Variants in TAF3 observed in about 807,000 individuals in gnomAD.
The protein encoded by TAF3 is TATA-box binding protein associated factor 3, also known as transcription initiation factor TFIID subunit 3.
A neutral mutation model predicts 80.6 loss-of-function variants in TAF3; 7 were observed. The observed-to-expected ratio is 0.09, with a 90% CI of 0.05 to 0.16. The LOEUF is 0.16. Ranked by LOEUF, TAF3 falls within the 10% of genes least tolerant of loss-of-function variation. The pLI is 1.00. For missense variants in TAF3, 921 were observed against 1,140.2 expected (o/e 0.81, Z 2.77); for synonymous variants, 444 against 446.1 (o/e 1.00, Z 0.06).
intron 4 of TAF3, among the ~76,000 whole-genome samples, chr10:7,982,521 C>T (rs1477069406): frequency 6.6e-6 from 1 of 152,152 alleles, no homozygotes; most frequent in African/African-American, 2.4e-5. Context: ...GCCTAAGCCT[C>T]CCAGGTAGCT....
chr10:7,920,231 G>A lies in TAF3; in HGVS notation c.410-43689G>A, dbSNP rs576178199. 6.6e-5 allele frequency among the ~76,000 whole-genome samples: 10 copies of A among 151,848 alleles called. No individual in the cohort carries two copies. The South Asian group carries it at 1.0e-3, about 16-fold the overall frequency. On this transcript the variant is annotated intron_variant, in intron 2 of 6. Transcript: ENST00000344293. ...ATCACACCACTGCACTCCGGCCTGCGCGACAAAATTTATTTCTTGAGTAAA... is the reference window on the plus strand; with the variant it reads ...ATCACACCACTGCACTCCGGCCTGCACGACAAAATTTATTTCTTGAGTAAA...
intron 2 of TAF3, among the ~76,000 whole-genome samples, chr10:7,937,461 T>G (rs1837931935): frequency 6.6e-6 from 1 of 152,262 alleles, no homozygotes; most frequent in Non-Finnish European, 1.5e-5. Flanking sequence ...CATCTTTTCC[T>G]GTGCCTATTT....
intron 2 of TAF3, among the ~76,000 whole-genome samples, chr10:7,856,072 A>G (rs1484506971): frequency 2.6e-5 from 4 of 152,236 alleles, no homozygotes; most frequent in Non-Finnish European, 5.9e-5. Context: ...AAGCCACAGA[A>G]GCAGCATTCC....
At chr10:7,994,011 T>C (rs565838034) in intron 4 of TAF3, among the ~76,000 whole-genome samples, 60 of 150,522 alleles carry the variant, frequency 4.0e-4, no homozygotes, top group Non-Finnish European at 7.2e-4. Context: ...TCTGTCTCTT[T>C]TTCTCCCCCA....
chr10:7,842,624 A>G (rs1247032805), intron 2 of TAF3, among the ~76,000 whole-genome samples: 1 of 152,178 alleles, frequency 6.6e-6, no homozygotes, highest in Non-Finnish European at 1.5e-5. Flanking sequence ...CACTATTGTC[A>G]TGTCTACCAA....
chr10:7,977,391 G>T lies in TAF3; in HGVS notation c.2315+68G>T, dbSNP rs998868775. ...TAACCTTCTCTACTCTTTCCTAAGG[G>T]ACTTAGAATTCCACAAGCTTCTCCC... On this transcript the variant is annotated intron_variant, in intron 4 of 6. Coordinates refer to ENST00000344293, the MANE Select transcript of TAF3 (RefSeq NM_031923.4). 5 of 1,467,064 alleles carry T rather than the reference G, an allele frequency of 3.4e-6. No individual in the cohort carries two copies. The African/African-American group carries it at 4.2e-5, about 12-fold the overall frequency. 90.9% of individuals were successfully genotyped at this position (1,467,064 alleles called of 1,614,324 possible).
intron 2 of TAF3, among the ~76,000 whole-genome samples, chr10:7,882,097 A>G (rs1564355391): frequency 1.3e-5 from 2 of 152,204 alleles, no homozygotes; most frequent in Non-Finnish European, 1.5e-5. Context: ...GCTATTTCCT[A>G]TACTGATGCA....
At chr10:7,907,747 A>T (rs543775089) in intron 2 of TAF3, among the ~76,000 whole-genome samples, 2 of 152,316 alleles carry the variant, frequency 1.3e-5, no homozygotes, top group East Asian at 3.9e-4. Context: ...GTCTTGAAGT[A>T]TGAAAGCTGC....
intron 2 of TAF3, among the ~76,000 whole-genome samples, chr10:7,943,289 C>T (rs764992076): frequency 3.2e-4 from 48 of 152,174 alleles, no homozygotes; most frequent in Non-Finnish European, 5.4e-4. Flanking sequence ...TCACGTTCTG[C>T]TTGCTCCTTA....
chr10:7,881,917 A>G (rs568117995), intron 2 of TAF3, among the ~76,000 whole-genome samples: 2 of 152,304 alleles, frequency 1.3e-5, no homozygotes, highest in East Asian at 3.9e-4. Flanking sequence ...GAGACTTTAT[A>G]TGTTGGTGGA....
intron 2 of TAF3, among the ~76,000 whole-genome samples, chr10:7,953,398 A>C (rs988277782): frequency 6.6e-6 from 1 of 152,220 alleles, no homozygotes; most frequent in South Asian, 2.1e-4. Context: ...CATCCCACAC[A>C]TGGCCAACTA....
At chr10:7,931,472 T>C (rs1837868757) in intron 2 of TAF3, among the ~76,000 whole-genome samples, 1 of 152,222 alleles carries the variant, frequency 6.6e-6, no homozygotes, top group South Asian at 2.1e-4. Flanking sequence ...TGACATTGCA[T>C]CTCGGGGAAT....
In TAF3 at chr10:7,818,742, G is replaced by A; in HGVS notation, c.33G>A (p.Arg11=). The change falls in exon 1 of 7, where the codon AGG becomes AGA. Residue 11 remains arginine, a synonymous_variant. Coordinates refer to ENST00000344293, the MANE Select transcript of TAF3 (RefSeq NM_031923.4). MCESYSRSLL[R]VSVAQICQAL... is the part of the protein sequence containing the mutation. ...AGAGTTACTCCAGGTCGTTGTTGAG[G>A]GTCTCGGTGGCGCAGATCTGCCAGG... is the stretch of plus-strand genomic sequence containing the variant. The A allele has an allele frequency of 1.9e-6, 3 of 1,605,224 alleles. No homozygotes were observed. The highest frequency in any genetic ancestry group is 2.5e-6 in the Non-Finnish European group (3 of 1,178,442).
At chr10:7,893,836 C>A (rs1012021077) in intron 2 of TAF3, among the ~76,000 whole-genome samples, 1 of 152,102 alleles carries the variant, frequency 6.6e-6, no homozygotes, top group African/African-American at 2.4e-5. Context: ...ATAAATTGAT[C>A]CTCTTAATTA....
At chr10:7,916,637 G>A (rs985342310) in intron 2 of TAF3, among the ~76,000 whole-genome samples, 1 of 151,646 alleles carries the variant, frequency 6.6e-6, no homozygotes, top group African/African-American at 2.4e-5. Context: ...AAAATAAAGT[G>A]TATATATATA....
chr10:7,916,232 G>A (rs1237428038), intron 2 of TAF3, among the ~76,000 whole-genome samples: 2 of 152,122 alleles, frequency 1.3e-5, no homozygotes, highest in African/African-American at 4.8e-5. Flanking sequence ...TTATGTCTTT[G>A]TCTGAATCTC....
chr10:7,891,883 G>A (rs533592246), intron 2 of TAF3, among the ~76,000 whole-genome samples: 1 of 152,266 alleles, frequency 6.6e-6, no homozygotes, highest in Admixed American at 6.5e-5. Context: ...GTGGAACATT[G>A]CCAATATAAA....
intron 2 of TAF3, among the ~76,000 whole-genome samples, chr10:7,951,255 T>C (rs939168144): frequency 1.3e-5 from 2 of 152,350 alleles, no homozygotes; most frequent in East Asian, 3.9e-4. Flanking sequence ...CCCCAAACTT[T>C]AGCAGCTTAA....
At position 7,963,901 on chromosome 10, in the gene TAF3, C is replaced by G; in HGVS notation, c.410-19C>G. On this transcript the variant is annotated intron_variant, in intron 2 of 6. Coordinates refer to ENST00000344293, the MANE Select transcript of TAF3 (RefSeq NM_031923.4). ...TCCAATAATATTTATTTTTTTCTTC[C>G]TTTTTCTTCCTTTACCAGAAGAAGA... The G allele has an allele frequency of 6.7e-7, 1 of 1,494,962 alleles. No homozygotes were observed. Among genetic ancestry groups the G allele is most frequent in the Non-Finnish European group, 8.9e-7 (1 of 1,124,112 alleles). The allele number at this position is 1,494,962 out of a possible 1,614,324, so 92.6% of individuals were successfully genotyped here.
Sources: gnomAD v4.1 joint callset for allele counts (sites outside exome capture counted in the v4.1 genomes callset) on GRCh38, gnomAD v4.1.1 for gene constraint, MANE v1.5 for transcripts, NCBI Gene and HGNC (gene_info 2026-07-23, HGNC 2026-07-21) for gene names.